The following ADH1C variants were observed in gnomAD, a reference collection of about 807,000 sequenced individuals.
The protein encoded by ADH1C is alcohol dehydrogenase 1C.
Under a neutral mutation model 35.0 loss-of-function variants are expected in ADH1C, and 26 were observed. The ratio of observed to expected loss-of-function variants is 0.74; its 90% CI spans 0.54 to 1.03. The LOEUF (loss-of-function observed/expected upper bound fraction) is 1.03, where lower values mean the gene tolerates loss of function less well. Ranked by LOEUF, ADH1C falls within the 50% of genes least tolerant of loss-of-function variation. The pLI is 0.00. For synonymous variants in ADH1C, 170 were observed against 169.3 expected, an observed-to-expected ratio of 1.00 and a Z score of -0.03; for missense variants, 413 against 465.4, an observed-to-expected ratio of 0.89 and a Z score of 1.04.
Position 99,347,110 on chromosome 4 carries a change from T to C in ADH1C, c.155A>G (p.His52Arg). ...GGTCACCAGGTTGCCACTAACCACA[T>C]GCTCATCTGAACGACAGATTCCTGC... is the stretch of plus-strand genomic sequence containing the variant. Reference protein sequence around the residue: ...VAAGICRSDEHVVSGNLVTPL... With the variant: ...VAAGICRSDERVVSGNLVTPL... Residue 52 changes from histidine to arginine, a missense_variant, in exon 3 of 9, where the codon CAT becomes CGT. His to Arg is a conservative substitution (Grantham distance 29). Transcript: ENST00000515683. 1.2e-6 allele frequency: 2 copies of C among 1,614,098 alleles called. No individual in the cohort carries two copies. Among genetic ancestry groups the C allele is most frequent in the Admixed American group, 3.3e-5 (2 of 59,990 alleles).
At chr4:99,346,815 C>T (rs114017217) in intron 3 of ADH1C, among the ~76,000 whole-genome samples, 191 bp downstream of exon 3, 18 of 152,136 alleles carry the variant, frequency 1.2e-4, no homozygotes, top group South Asian at 6.2e-4. Context: ...GTAGAATACA[C>T]GCATGCCTGC....
At chr4:99,339,512 G>GCTCCC (rs1203375085) in intron 8 of ADH1C, 65 bp downstream of exon 8, 1 of 687,672 alleles carries the variant, frequency 1.5e-6, no homozygotes, top group African/African-American at 2.0e-5. Flanking sequence ...GCTAGACAAC[G>GCTCCC]CCCCCCCCCC....
rs766270905 is a variant in ADH1C, at chr4:99,345,258, CTT to C, written c.266_267del (p.Lys89SerfsTer16). On this transcript the variant is annotated frameshift_variant, in exon 4 of 9. Transcript: ENST00000515683. LOFTEE classifies it high-confidence loss of function. ...CACTGAGGAGTAAAGAGCGGGATGA[CTT>C]TATCACCTGCAGAGGAATAAAACAA... is the stretch of plus-strand genomic sequence containing the variant. ...EGVTTVKPGD[K>X]VIPLFTPQCG... 5.4e-5 allele frequency: 87 copies of C among 1,613,456 alleles called. No individual in the cohort carries two copies. The highest frequency in any genetic ancestry group is 6.7e-5 in the Non-Finnish European group (79 of 1,179,660).
chr4:99,339,026 CA>C (rs1299327476), intron 8 of ADH1C, among the ~76,000 whole-genome samples: 4 of 151,226 alleles, frequency 2.6e-5, no homozygotes, highest in Admixed American at 6.6e-5. Flanking sequence ...TTCTCTTTTA[CA>C]ACAACTTTTC....
Position 99,340,625 on chromosome 4 carries a change from T to C in ADH1C, c.914A>G (p.Asn305Ser). Residue 305 changes from asparagine (N) to serine (S), a missense_variant, in exon 7 of 9, where the codon AAC becomes AGC. Asn to Ser is a conservative substitution (Grantham distance 46). Coordinates refer to ENST00000515683, the MANE Select transcript of ADH1C (RefSeq NM_000669.5). ...GCGTCCAGTCAGTAGCAGCATAGGG[T>C]TTATTGAGAGGTTCTGGGAATCAGG... Reference protein sequence around the residue: ...VPPDSQNLSINPMLLLTGRTW... With the variant: ...VPPDSQNLSISPMLLLTGRTW... The C allele has an allele frequency of 6.2e-7, 1 of 1,613,844 alleles. No individual in the cohort carries two copies. Among genetic ancestry groups the C allele is most frequent in the Non-Finnish European group, 8.5e-7 (1 of 1,179,992 alleles).
rs767307087 is a variant in ADH1C at position 99,347,872 on chromosome 4, A to ACCAGTGTTTG, written c.19-27_19-26insCAAACACTGG. 8 of 1,612,434 alleles carry ACCAGTGTTTG rather than the reference A, an allele frequency of 5.0e-6. No individual in the cohort carries two copies. In the South Asian group the frequency reaches 7.7e-5, roughly 16 times the overall value. ...CTAGAACATCAGACAGAGAGATGGTACCAGTGTTTTCCCACGCTTGCAGTC... is the reference window on the plus strand; with the variant it reads ...CTAGAACATCAGACAGAGAGATGGTACCAGTGTTTGCCAGTGTTTTCCCACGCTTGCAGTC... On this transcript the variant is annotated intron_variant, in intron 1 of 8. Coordinates refer to ENST00000515683, the MANE Select transcript of ADH1C (RefSeq NM_000669.5).
At chr4:99,339,797 G>A (rs572816827) in intron 7 of ADH1C, 82 bp from the exon 8 acceptor site, 1 of 1,415,482 alleles carries the variant, frequency 7.1e-7, no homozygotes, top group Non-Finnish European at 9.7e-7. Context: ...ATAAATGAAA[G>A]TTTAGAAAAA....
chr4:99,346,321 T>G (rs528426274), intron 3 of ADH1C, among the ~76,000 whole-genome samples: 9 of 152,252 alleles, frequency 5.9e-5, no homozygotes, highest in Admixed American at 5.9e-4. Context: ...ATAATAAGAT[T>G]AGGTAAAATA....
In ADH1C at chr4:99,349,874, T is replaced by TTGAG. The variant is rs1734635522; in HGVS notation, c.19-2032_19-2029dup. Reference sequence around the variant, plus strand: ...TTTAAAAACTGGAGAAACTGTGTATTTGAGTTTCTAGCTAGCAAGCTTATC... The same window carrying TTGAG: ...TTTAAAAACTGGAGAAACTGTGTATTTGAGTGAGTTTCTAGCTAGCAAGCTTATC... On this transcript the variant is annotated intron_variant, in intron 1 of 8. Transcript: ENST00000515683. Among the ~76,000 whole-genome samples the TTGAG allele has an allele frequency of 3.3e-5, 5 of 152,166 alleles. No individual in the cohort carries two copies. In the South Asian group the frequency reaches 1.0e-3, roughly 32 times the overall value.
chr4:99,338,396 TATATATATATATATATATA>T (rs1560535437), intron 8 of ADH1C, among the ~76,000 whole-genome samples: 2 of 7,424 alleles, frequency 2.7e-4, no homozygotes, highest in African/African-American at 7.4e-4. Flanking sequence ...TACTGTTTTC[TATATATATATATATATATA>T]TATATATATA....
chr4:99,349,999 T>G (rs1388955128), intron 1 of ADH1C, among the ~76,000 whole-genome samples: 1 of 152,222 alleles, frequency 6.6e-6, no homozygotes, highest in East Asian at 1.9e-4. Context: ...TACAATTCAC[T>G]GAGCTCTTTC....
At position 99,342,841 on chromosome 4, in the gene ADH1C, C is replaced by T; in HGVS notation, c.782G>A (p.Gly261Glu). ...IQEVLKEMTD[G>E]GVDFSFEVIG... is the part of the protein sequence containing the mutation. Reference sequence around the variant, plus strand: ...GACTTCAAACGAAAAATCCACACCTCCATCAGTCATTTCCTTTAGCACTTC... The same window carrying T: ...GACTTCAAACGAAAAATCCACACCTTCATCAGTCATTTCCTTTAGCACTTC... Residue 261 changes from glycine to glutamate, a missense_variant, in exon 6 of 9, where the codon GGA becomes GAA. Coordinates refer to ENST00000515683, the MANE Select transcript of ADH1C (RefSeq NM_000669.5). The T allele has an allele frequency of 6.2e-7, 1 of 1,614,044 alleles. No homozygotes were observed. Among genetic ancestry groups the T allele is most frequent in the Non-Finnish European group, 8.5e-7 (1 of 1,179,894 alleles).
chr4:99,347,909 C>A, intron 1 of ADH1C, 63 bp from the exon 2 acceptor site: 1 of 1,583,848 alleles, frequency 6.3e-7, no homozygotes, highest in Non-Finnish European at 8.7e-7. Context: ...GAAATTGTGT[C>A]TTTTCATCTT....
intron 3 of ADH1C, among the ~76,000 whole-genome samples, chr4:99,345,968 G>C (rs1271404204): frequency 6.6e-6 from 1 of 152,114 alleles, no homozygotes; most frequent in Non-Finnish European, 1.5e-5. Flanking sequence ...TATTTTTACT[G>C]TTATGGTGGA....
chr4:99,346,067 T>A (rs554961802), intron 3 of ADH1C, among the ~76,000 whole-genome samples: 3 of 152,308 alleles, frequency 2.0e-5, no homozygotes, highest in African/African-American at 7.2e-5. Context: ...ATTGGACAGT[T>A]TATTTTATTA....
At chr4:99,341,896 C>G (rs991702513) in intron 6 of ADH1C, among the ~76,000 whole-genome samples, 2 of 151,900 alleles carry the variant, frequency 1.3e-5, no homozygotes, top group African/African-American at 2.4e-5. Context: ...TGTCTGTACT[C>G]AGCACTTTCG....
At chr4:99,345,343 A>G (rs1734508441) in intron 3 of ADH1C, 77 bp from the exon 4 acceptor site, 1 of 1,351,454 alleles carries the variant, frequency 7.4e-7, no homozygotes, top group Non-Finnish European at 1.0e-6. Flanking sequence ...GCTCACATGT[A>G]TAGATTAGAA....
chr4:99,340,762 A>G, intron 6 of ADH1C, 52 bp from the exon 7 acceptor site: 3 of 1,608,530 alleles, frequency 1.9e-6, no homozygotes, highest in Non-Finnish European at 2.5e-6. Flanking sequence ...CATAGTTCAT[A>G]CTCATAATGC....
intron 1 of ADH1C, among the ~76,000 whole-genome samples, chr4:99,348,116 TA>T (rs983720686): frequency 6.6e-6 from 1 of 152,106 alleles, no homozygotes; most frequent in Non-Finnish European, 1.5e-5. Context: ...TATTTTATTT[TA>T]TTTTTTTTGA....
Sources: allele counts gnomAD v4.1 joint callset (sites outside exome capture counted in the v4.1 genomes callset), GRCh38; gene constraint gnomAD v4.1.1; transcripts MANE v1.5; gene names NCBI Gene and HGNC (gene_info 2026-07-23, HGNC 2026-07-21).